NSMCE2: variants seen among roughly 807,000 people sequenced by gnomAD.
The protein encoded by NSMCE2 is E3 SUMO-protein ligase NSE2.
NSMCE2 carries 24 observed loss-of-function variants against 23.8 expected under a neutral mutation model. The ratio of observed to expected loss-of-function variants is 1.01; its 90% CI spans 0.73 to 1.42. NSMCE2 has a LOEUF of 1.42. Among genes scored for constraint, NSMCE2 ranks in the 40% most tolerant of loss-of-function variants. The pLI is 0.00. For missense variants in NSMCE2, 284 were observed against 296.5 expected, an observed-to-expected ratio of 0.96 and a Z score of 0.31; for synonymous variants, 92 against 94.1, an observed-to-expected ratio of 0.98 and a Z score of 0.13.
rs987142007 is a variant in NSMCE2 at position 125,331,097 on chromosome 8, C to G, written c.419-26122C>G. 3.3e-5 allele frequency among the ~76,000 whole-genome samples: 5 copies of G among 152,056 alleles called. No individual in the cohort carries two copies. In the East Asian group the frequency reaches 7.7e-4, roughly 23 times the overall value. On this transcript the variant is annotated intron_variant, in intron 5 of 7. Coordinates refer to ENST00000287437, the MANE Select transcript of NSMCE2 (RefSeq NM_173685.4). ...CAGGCGGATCACGAGGTCAAGAGAT[C>G]GAGACCATCCTGGCCAACATGGTGA...
chr8:125,361,987 A>G (rs1323709114), intron 7 of NSMCE2, among the ~76,000 whole-genome samples: 1 of 152,172 alleles, frequency 6.6e-6, no homozygotes, highest in Non-Finnish European at 1.5e-5. Flanking sequence ...GGTTCCCCAC[A>G]GCTCTGTGGG....
intron 5 of NSMCE2, among the ~76,000 whole-genome samples, chr8:125,272,885 A>G (rs74636722): frequency 0.012 from 1,599 of 129,080 alleles, 161 homozygotes; most frequent in African/African-American, 0.045. Context: ...ACGTGTGTGT[A>G]TATATATATA....
At chr8:125,212,280 C>T (rs998844070) in intron 5 of NSMCE2, among the ~76,000 whole-genome samples, 9 of 152,022 alleles carry the variant, frequency 5.9e-5, no homozygotes, top group African/African-American at 1.7e-4. Context: ...TTTCTGGTAG[C>T]CCAGGATAGA....
intron 3 of NSMCE2, among the ~76,000 whole-genome samples, chr8:125,105,172 T>C (rs943126893): frequency 2.0e-5 from 3 of 152,230 alleles, no homozygotes; most frequent in Non-Finnish European, 4.4e-5. Flanking sequence ...GTTTAGTTTT[T>C]CAGTCATTCA....
At chr8:125,216,697 A>G (rs1423017113) in intron 5 of NSMCE2, among the ~76,000 whole-genome samples, 1 of 151,384 alleles carries the variant, frequency 6.6e-6, no homozygotes, top group Admixed American at 6.6e-5. Flanking sequence ...TGTCCACTAT[A>G]CAGAATAGTT....
intron 5 of NSMCE2, among the ~76,000 whole-genome samples, chr8:125,228,520 TC>T (rs1314992878): frequency 1.3e-5 from 2 of 152,186 alleles, no homozygotes; most frequent in Non-Finnish European, 2.9e-5. Flanking sequence ...AGGGAAGACT[TC>T]CTGGAAGAGC....
At chr8:125,134,366 T>A (rs1015268632) in intron 3 of NSMCE2, among the ~76,000 whole-genome samples, 1 of 152,184 alleles carries the variant, frequency 6.6e-6, no homozygotes, top group Non-Finnish European at 1.5e-5. Flanking sequence ...TCTGAAAATA[T>A]GGGATCTATG....
At chr8:125,292,413 G>A (rs4871575) in intron 5 of NSMCE2, among the ~76,000 whole-genome samples, 68,265 of 151,460 alleles carry the variant, frequency 0.45, 18,393 homozygotes, top group Non-Finnish European at 0.59. Context: ...AATTAGTTGG[G>A]TGTGGTAGCA....
chr8:125,359,093 C>T (rs891717120), intron 7 of NSMCE2, among the ~76,000 whole-genome samples: 1 of 151,508 alleles, frequency 6.6e-6, no homozygotes, highest in Non-Finnish European at 1.5e-5. Flanking sequence ...GGTGAAACCC[C>T]GACTCTACTA....
Position 125,114,916 on chromosome 8 carries a change from G to A in NSMCE2, c.157+12429G>A, listed in dbSNP as rs1244938128. Among the ~76,000 whole-genome samples, 6 of 152,260 alleles carry A rather than the reference G, an allele frequency of 3.9e-5. 1 individual carries two copies. In the South Asian group the frequency reaches 1.0e-3, roughly 26 times the overall value. ...TACTTGGACCTTTATTGCTCTTTTT[G>A]CTGGCAGTTAAGGCTTTTCCTTATT... is the stretch of plus-strand genomic sequence containing the variant. On this transcript the variant is annotated intron_variant, in intron 3 of 7. Transcript: ENST00000287437.
At chr8:125,317,233 T>A (rs965720184) in intron 5 of NSMCE2, among the ~76,000 whole-genome samples, 11 of 151,956 alleles carry the variant, frequency 7.2e-5, no homozygotes, top group African/African-American at 2.4e-4. Context: ...GGTCTCACTC[T>A]ATCACCCAGG....
chr8:125,236,930 A>T (rs1313982394), intron 5 of NSMCE2, among the ~76,000 whole-genome samples: 1 of 152,128 alleles, frequency 6.6e-6, no homozygotes, highest in African/African-American at 2.4e-5. Flanking sequence ...GGGTCTATAA[A>T]TACTAGTGAA....
chr8:125,265,761 T>C (rs1173231403), intron 5 of NSMCE2, among the ~76,000 whole-genome samples: 1 of 152,212 alleles, frequency 6.6e-6, no homozygotes, highest in African/African-American at 2.4e-5. Context: ...TCATACCACA[T>C]AGCCACTTAA....
intron 3 of NSMCE2, among the ~76,000 whole-genome samples, chr8:125,114,096 G>A (rs142367554): frequency 5.9e-5 from 9 of 152,038 alleles, no homozygotes; most frequent in East Asian, 3.9e-4. Flanking sequence ...TATTTTGCCC[G>A]GTATGTCTAG....
chr8:125,221,943 A>T (rs1824880017), intron 5 of NSMCE2, among the ~76,000 whole-genome samples: 1 of 152,196 alleles, frequency 6.6e-6, no homozygotes. Context: ...GGCCTAGCAT[A>T]AAGTAGACAC....
intron 5 of NSMCE2, among the ~76,000 whole-genome samples, chr8:125,314,815 T>C (rs908942551): frequency 6.6e-6 from 1 of 152,192 alleles, no homozygotes; most frequent in Non-Finnish European, 1.5e-5. Context: ...CTCTTGGTGA[T>C]AGAGCAATTA....
intron 4 of NSMCE2, among the ~76,000 whole-genome samples, chr8:125,167,812 G>C (rs886748341): frequency 1.3e-5 from 2 of 151,300 alleles, no homozygotes; most frequent in Non-Finnish European, 2.9e-5. Flanking sequence ...AGAAATGCAA[G>C]CATTGGGGGA....
intron 5 of NSMCE2, among the ~76,000 whole-genome samples, chr8:125,260,443 C>T (rs72720574): frequency 0.18 from 27,559 of 151,108 alleles, 2,933 homozygotes; most frequent in Middle Eastern, 0.34. Flanking sequence ...TCTATACTTT[C>T]GTGTGTGGTA....
intron 5 of NSMCE2, among the ~76,000 whole-genome samples, chr8:125,318,453 C>A (rs931823858): frequency 3.9e-5 from 6 of 152,162 alleles, no homozygotes; most frequent in Non-Finnish European, 7.4e-5. Flanking sequence ...AAGATGTACA[C>A]TTCTGATAAT....
Sources: gnomAD v4.1 joint callset for allele counts (sites outside exome capture counted in the v4.1 genomes callset) on GRCh38, gnomAD v4.1.1 for gene constraint, MANE v1.5 for transcripts, NCBI Gene and HGNC (gene_info 2026-07-23, HGNC 2026-07-21) for gene names.